The following PHF19 variants were observed in gnomAD, a reference collection of about 807,000 sequenced individuals.
PHF19 encodes PHD finger protein 19.
In PHF19, 21 loss-of-function variants were observed where a neutral mutation model predicts 79.8. The observed-to-expected ratio is 0.26, with a 90% CI of 0.19 to 0.38. PHF19 has a LOEUF of 0.38. PHF19 is among the 10% of genes least tolerant of loss of function. The probability of loss-of-function intolerance (pLI) is 1.00; values close to 1 mark genes in which losing one functional copy is unlikely to be tolerated. For synonymous variants in PHF19, 273 were observed against 296.3 expected, an observed-to-expected ratio of 0.92 and a Z score of 0.81; for missense variants, 445 against 744.2, an observed-to-expected ratio of 0.60 and a Z score of 4.68.
At chr9:120,890,972 C>T (rs972581514) in intron 1 of PHF19, among the ~76,000 whole-genome samples, 3 of 152,152 alleles carry the variant, frequency 2.0e-5, no homozygotes, top group African/African-American at 4.8e-5. Context: ...AACCCAGGTG[C>T]GACAAACAAC....
Position 120,862,596 on chromosome 9 carries a change from G to C in PHF19, c.1122C>G (p.Ser374Arg), listed in dbSNP as rs1347027986. ...GGTCCCCGAGCACTGACCCAGGCTT[G>C]CTCTTTCCTCTCTTACGCAGCTCAG... ...ASSELRKRGKSKPGLLPHEFQ... is the reference protein window; with the variant it reads ...ASSELRKRGKRKPGLLPHEFQ... Residue 374 changes from serine to arginine, a missense_variant, in exon 11 of 15, where the codon AGC (serine) becomes AGG (arginine). By Grantham distance (110) the Ser-to-Arg change is moderately radical. Around this residue, in one of 5 missense-constraint regions of PHF19, gnomAD observed 83 missense variants for 85.5 expected, o/e 0.97. Transcript: ENST00000373896. This position sits in a 1 kb window ranked among gnomAD's most constrained non-coding sequence, Gnocchi z 4.6. 1.2e-6 allele frequency: 2 copies of C among 1,613,444 alleles called. No individual in the cohort carries two copies.
At position 120,856,497 on chromosome 9, in the gene PHF19, C is replaced by A. The variant is rs2045364477; in HGVS notation, c.*1447G>T. 1 of 152,258 alleles carries A rather than the reference C, an allele frequency of 6.6e-6. No individual in the cohort carries two copies. Among genetic ancestry groups the A allele is most frequent in the Non-Finnish European group, 1.5e-5 (1 of 68,032 alleles). The allele number at this position is 152,258 out of a possible 1,614,324, so 9.4% of individuals were successfully genotyped here. ...AGGCTGGTCCCCATCTGGTGCCCAC[C>A]CTCCACGTCAAGGCACTTTTGTCCA... On this transcript the variant is annotated 3_prime_UTR_variant, in exon 15 of 15. Coordinates refer to ENST00000373896, the MANE Select transcript of PHF19 (RefSeq NM_015651.3).
At chr9:120,882,177 C>T (rs563415442), upstream of PHF19, among the ~76,000 whole-genome samples, 1 of 152,312 alleles carries the variant, frequency 6.6e-6, no homozygotes, top group East Asian at 1.9e-4. Context: ...CTCAGTGTCA[C>T]ACACAATAGA....
At position 120,866,346 on chromosome 9, in the gene PHF19, G is replaced by A. The variant is rs1268754552; in HGVS notation, c.711-250C>T. Among the ~76,000 whole-genome samples, 3 of 152,198 alleles carry A rather than the reference G, an allele frequency of 2.0e-5. No individual in the cohort carries two copies. In the East Asian group the frequency reaches 5.8e-4, roughly 29 times the overall value. On this transcript the variant is annotated intron_variant, in intron 7 of 14. Coordinates refer to ENST00000373896, the MANE Select transcript of PHF19 (RefSeq NM_015651.3). The surrounding 1 kb of genome is among the most constrained non-coding windows in gnomAD (Gnocchi z 5.2). ...GCGTGGCTGAGTTCACAGAGAGTGA[G>A]CTGAGCTAGGCTGGGCTGCCATGGT...
At chr9:120,901,053 G>C in the PHF19 span, among the ~76,000 whole-genome samples, 1 of 152,236 alleles carries the variant, frequency 6.6e-6, no homozygotes, top group Non-Finnish European at 1.5e-5. Context: ...TGCCAGGCTG[G>C]CATCAGTAGG....
intron 9 of PHF19, 116 bp from the exon 10 acceptor site, chr9:120,864,232 C>A: frequency 1.2e-6 from 1 of 801,788 alleles, no homozygotes; most frequent in Non-Finnish European, 2.1e-6. Flanking sequence ...CAGGTGAGGA[C>A]CACTGACTCA....
upstream of PHF19, among the ~76,000 whole-genome samples, chr9:120,881,241 G>A (rs566827190): frequency 1.7e-4 from 26 of 149,466 alleles, no homozygotes; most frequent in South Asian, 2.2e-3. Flanking sequence ...TCCGCCTCCC[G>A]GGTTCACGCC....
At chr9:120,903,094 A>AC in the PHF19 span, 1 of 152,234 alleles carries the variant, frequency 6.6e-6, no homozygotes, top group African/African-American at 2.4e-5. Context: ...TTCAGGGCCT[A>AC]GACCCATCAC....
At chr9:120,903,307 A>T in the PHF19 span, 2 of 152,310 alleles carry the variant, frequency 1.3e-5, no homozygotes, top group Non-Finnish European at 2.9e-5. Context: ...GGCCTCCTGA[A>T]AACCCCTAGA....
intron 1 of PHF19, among the ~76,000 whole-genome samples, chr9:120,893,877 C>T (rs1333583889): frequency 6.6e-6 from 1 of 152,210 alleles, no homozygotes. Context: ...ATAAGAGGCA[C>T]TGTTGCATAG....
At chr9:120,864,556 G>A (rs965877566) in intron 9 of PHF19, among the ~76,000 whole-genome samples, 1 of 152,148 alleles carries the variant, frequency 6.6e-6, no homozygotes, top group African/African-American at 2.4e-5. Flanking sequence ...TTTGGCGGGC[G>A]CCTATAATCC....
chr9:120,863,600 C>A lies in PHF19; in HGVS notation c.968+449G>T, dbSNP rs531375962. ...CGGGCACAGCCTGGTCTTAAAAGGC[C>A]TTGAGTGCCAGGTTCAGGAGGCTGG... On this transcript the variant is annotated intron_variant, in intron 10 of 14. Transcript: ENST00000373896. 4.6e-5 allele frequency among the ~76,000 whole-genome samples: 7 copies of A among 152,296 alleles called. No individual in the cohort carries two copies. In the East Asian group the frequency reaches 1.4e-3, roughly 29 times the overall value.
upstream of PHF19, among the ~76,000 whole-genome samples, chr9:120,878,586 G>A (rs1400523539): frequency 6.6e-6 from 1 of 152,182 alleles, no homozygotes; most frequent in African/African-American, 2.4e-5. Flanking sequence ...TGGCCTTGGA[G>A]CATGATCTGT....
intron 1 of PHF19, among the ~76,000 whole-genome samples, chr9:120,888,815 T>TC (rs1441529730): frequency 1.3e-5 from 2 of 152,194 alleles, no homozygotes; most frequent in African/African-American, 4.8e-5. Context: ...GATCCAGGGT[T>TC]CTCTACTGTG....
chr9:120,869,980 G>T lies in PHF19; in HGVS notation c.365-35C>A. 1 of 1,546,668 alleles carries T rather than the reference G, an allele frequency of 6.5e-7. No individual in the cohort carries two copies. ...AGGAGGGGGCGGTGAGCGCCCACAAGGACATCGTGGCCCAAGGCCAGTTGG... is the reference window on the plus strand; with the variant it reads ...AGGAGGGGGCGGTGAGCGCCCACAATGACATCGTGGCCCAAGGCCAGTTGG... On this transcript the variant is annotated intron_variant, in intron 4 of 14. Transcript: ENST00000373896. The surrounding 1 kb of genome is among the most constrained non-coding windows in gnomAD (Gnocchi z 5.8).
chr9:120,882,226 T>C (rs1176994644), intron 1 of PHF19, among the ~76,000 whole-genome samples: 3 of 152,192 alleles, frequency 2.0e-5, no homozygotes, highest in Non-Finnish European at 2.9e-5. Context: ...AGTGTCTCAG[T>C]ACCTCTCTGT....
Position 120,860,624 on chromosome 9 carries a change from T to C in PHF19, c.1305-439A>G. The C allele has an allele frequency of 4.4e-6, 1 of 224,882 alleles. No individual in the cohort carries two copies. Among genetic ancestry groups the C allele is most frequent in the Non-Finnish European group, 9.0e-6 (1 of 110,804 alleles). 13.9% of individuals were successfully genotyped at this position (224,882 alleles called of 1,614,324 possible). A position where few individuals can be genotyped will look rare whatever the true frequency, so the allele number is the denominator to read the frequency against. ...GCCCTCCTCTGTGTCCTCAGGAAAA[T>C]ACTAAATGACCTTTAATAATTTGGA... On this transcript the variant is annotated intron_variant, in intron 13 of 14. Transcript: ENST00000373896. The surrounding 1 kb of genome is among the most constrained non-coding windows in gnomAD (Gnocchi z 4.1).
intron 1 of PHF19, among the ~76,000 whole-genome samples, chr9:120,886,305 A>C (rs565954294): frequency 6.6e-6 from 1 of 152,366 alleles, no homozygotes; most frequent in East Asian, 1.9e-4. Flanking sequence ...ATGTGTGTGC[A>C]GGGAATCTGA....
At chr9:120,878,147 A>C (rs927111253), upstream of PHF19, among the ~76,000 whole-genome samples, 6 of 152,240 alleles carry the variant, frequency 3.9e-5, no homozygotes, top group African/African-American at 1.4e-4. Flanking sequence ...AAATAGCCCC[A>C]AACAACAAAT....
Sources: gnomAD v4.1 joint callset for allele counts (sites outside exome capture counted in the v4.1 genomes callset) on GRCh38, gnomAD v4.1.1 for gene constraint, gnomAD v4.1.1 regional missense constraint, Gnocchi (gnomAD v3.1) non-coding constraint, MANE v1.5 for transcripts, NCBI Gene and HGNC (gene_info 2026-07-23, HGNC 2026-07-21) for gene names.